Variants in KAZN observed in about 807,000 individuals in gnomAD.
KAZN encodes kazrin.
A neutral mutation model predicts 87.4 loss-of-function variants in KAZN; 40 were observed. The observed-to-expected ratio is 0.46, with a 90% CI of 0.36 to 0.60. The LOEUF is 0.60. KAZN is among the 20% of genes least tolerant of loss of function. The pLI is 0.00. For synonymous variants in KAZN, 466 were observed against 458.3 expected (o/e 1.02, Z -0.22); for missense variants, 898 against 1,073.9 (o/e 0.84, Z 2.29).
chr1:14,737,796 T>A (rs886756466), intron 1 of KAZN, among the ~76,000 whole-genome samples: 1 of 152,222 alleles, frequency 6.6e-6, no homozygotes, highest in Non-Finnish European at 1.5e-5. Flanking sequence ...CTGCTCTAAG[T>A]TCCTGGAGGC....
intron 1 of KAZN, among the ~76,000 whole-genome samples, chr1:13,992,816 A>C (rs58278506): frequency 0.15 from 22,237 of 152,000 alleles, 1,749 homozygotes; most frequent in Middle Eastern, 0.2. Flanking sequence ...AAACCAGCTC[A>C]TCTCCCCTGT....
chr1:13,976,029 G>T (rs1011670488), intron 1 of KAZN, among the ~76,000 whole-genome samples: 3 of 152,170 alleles, frequency 2.0e-5, no homozygotes, highest in Admixed American at 6.5e-5. Flanking sequence ...ATGCCTGGGT[G>T]ATTTTTCTAA....
chr1:14,968,377 G>A (rs953753803), intron 2 of KAZN, among the ~76,000 whole-genome samples: 2 of 152,146 alleles, frequency 1.3e-5, no homozygotes, highest in African/African-American at 2.4e-5. Flanking sequence ...AACTTCGCTC[G>A]CTCGCCCCTC....
intron 1 of KAZN, among the ~76,000 whole-genome samples, chr1:14,889,404 A>G (rs1381430721): frequency 1.3e-5 from 2 of 152,250 alleles, no homozygotes; most frequent in African/African-American, 4.8e-5. Flanking sequence ...TGGATGCACT[A>G]TAGCCATATA....
chr1:14,649,943 T>G (rs991015437), intron 1 of KAZN, among the ~76,000 whole-genome samples: 1 of 151,840 alleles, frequency 6.6e-6, no homozygotes, highest in African/African-American at 2.4e-5. Context: ...AAAAGCCAGG[T>G]ACAGGGCTTG....
intron 1 of KAZN, among the ~76,000 whole-genome samples, chr1:14,707,441 C>G (rs1642268017): frequency 6.6e-6 from 1 of 152,194 alleles, no homozygotes; most frequent in African/African-American, 2.4e-5. Flanking sequence ...AGAGCTGCAC[C>G]AAGCTGGGAG....
At chr1:14,342,450 G>A (rs1038186425) in intron 2 of KAZN, among the ~76,000 whole-genome samples, 8 of 152,158 alleles carry the variant, frequency 5.3e-5, no homozygotes, top group African/African-American at 1.2e-4. Context: ...TTTATGGCAC[G>A]TATTCTTGCT....
At chr1:14,182,221 C>T (rs1646213376) in intron 2 of KAZN, among the ~76,000 whole-genome samples, 2 of 152,070 alleles carry the variant, frequency 1.3e-5, no homozygotes, top group Non-Finnish European at 2.9e-5. Flanking sequence ...TTTAAATGGC[C>T]AGATAAAATG....
intron 2 of KAZN, among the ~76,000 whole-genome samples, chr1:14,356,906 C>T (rs528146079): frequency 8.0e-4 from 121 of 152,148 alleles, no homozygotes; most frequent in Non-Finnish European, 1.4e-3. Context: ...CTTGACTATA[C>T]GGGCTCTTTT....
At chr1:14,391,962 C>A (rs1333054824) in intron 2 of KAZN, among the ~76,000 whole-genome samples, 1 of 152,178 alleles carries the variant, frequency 6.6e-6, no homozygotes, top group East Asian at 1.9e-4. Flanking sequence ...TGTCTCACTT[C>A]TCCAAATCCC....
intron 1 of KAZN, among the ~76,000 whole-genome samples, chr1:13,894,876 A>T (rs1031598138): frequency 4.6e-5 from 7 of 152,122 alleles, no homozygotes; most frequent in African/African-American, 1.7e-4. Flanking sequence ...CTAAAACTGG[A>T]TGTGTCTGCA....
At chr1:14,080,040 T>C (rs1643611411) in intron 1 of KAZN, among the ~76,000 whole-genome samples, 2 of 144,562 alleles carry the variant, frequency 1.4e-5, no homozygotes, top group Non-Finnish European at 3.0e-5. Flanking sequence ...AATATCACAT[T>C]GGTGATTAGG....
intron 1 of KAZN, among the ~76,000 whole-genome samples, chr1:14,841,405 CAAAAAAAAAAAAAAA>C (rs57248871): frequency 8.4e-4 from 75 of 88,866 alleles, no homozygotes; most frequent in African/African-American, 2.6e-3. Flanking sequence ...GACTCCGTCT[CAAAAAAAAAAAAAAA>C]AAAAAAAAAA....
At chr1:14,654,744 T>C (rs7530538) in intron 1 of KAZN, among the ~76,000 whole-genome samples, 91,708 of 152,014 alleles carry the variant, frequency 0.6, 27,901 homozygotes, top group African/African-American at 0.65. Context: ...TTTACAGAAG[T>C]ACTGTGCAAG....
At chr1:14,660,996 G>A (rs182272447) in intron 1 of KAZN, among the ~76,000 whole-genome samples, 23 of 152,222 alleles carry the variant, frequency 1.5e-4, no homozygotes, top group Admixed American at 1.2e-3. Context: ...GCAGAATAAC[G>A]TCACTGATTA....
intron 1 of KAZN, among the ~76,000 whole-genome samples, chr1:14,750,445 G>A (rs142018380): frequency 1.3e-5 from 2 of 152,182 alleles, no homozygotes; most frequent in Non-Finnish European, 2.9e-5. Context: ...TTCCAGGTAC[G>A]AACACTGAGG....
intron 1 of KAZN, among the ~76,000 whole-genome samples, chr1:14,711,199 C>T (rs1197156186): frequency 2.6e-5 from 4 of 151,726 alleles, no homozygotes; most frequent in East Asian, 1.9e-4. Context: ...TCTCTATTTT[C>T]GAAAAGAAGT....
At chr1:14,148,902 A>G (rs1167536369) in intron 1 of KAZN, among the ~76,000 whole-genome samples, 2 of 152,120 alleles carry the variant, frequency 1.3e-5, no homozygotes, top group Non-Finnish European at 2.9e-5. Flanking sequence ...AGAACACTCC[A>G]CTTTTTGCTT....
At chr1:14,091,109 CAAAAA>C (rs779056126) in intron 1 of KAZN, among the ~76,000 whole-genome samples, 800 of 51,934 alleles carry the variant, frequency 0.015, 14 homozygotes, top group African/African-American at 0.05. Context: ...GAGACTCTGT[CAAAAA>C]AAAAAAAAAA....
Sources: gnomAD v4.1 joint callset for allele counts (sites outside exome capture counted in the v4.1 genomes callset) on GRCh38, gnomAD v4.1.1 for gene constraint, MANE v1.5 for transcripts, NCBI Gene and HGNC (gene_info 2026-07-23, HGNC 2026-07-21) for gene names.